The following SLC35F1 variants were observed in gnomAD, a reference collection of about 807,000 sequenced individuals.
SLC35F1 encodes the protein solute carrier family 35 member F1.
SLC35F1 carries 14 observed loss-of-function variants against 48.7 expected under a neutral mutation model. The ratio of observed to expected loss-of-function variants is 0.29; its 90% CI spans 0.19 to 0.45. The LOEUF is 0.45. Among genes scored for constraint, SLC35F1 ranks in the 20% least tolerant of loss-of-function variants. The probability of loss-of-function intolerance (pLI) is 1.00; values close to 1 mark genes in which losing one functional copy is unlikely to be tolerated. For synonymous variants in SLC35F1, 190 were observed against 202.2 expected, an observed-to-expected ratio of 0.94 and a Z score of 0.51; for missense variants, 404 against 500.0, an observed-to-expected ratio of 0.81 and a Z score of 1.83.
chr6:117,973,700 T>A (rs1776672009), intron 1 of SLC35F1, among the ~76,000 whole-genome samples: 1 of 152,128 alleles, frequency 6.6e-6, no homozygotes, highest in Non-Finnish European at 1.5e-5. Context: ...TACCTGGGAA[T>A]ATAATCTTGT....
intron 1 of SLC35F1, among the ~76,000 whole-genome samples, chr6:118,137,228 C>T (rs1773810197): frequency 6.6e-6 from 1 of 152,158 alleles, no homozygotes; most frequent in Non-Finnish European, 1.5e-5. Flanking sequence ...GAACTAAGAA[C>T]CTTGCCCATA....
At chr6:118,216,052 T>C (rs1330752357) in intron 2 of SLC35F1, among the ~76,000 whole-genome samples, 1 of 151,524 alleles carries the variant, frequency 6.6e-6, no homozygotes, top group Non-Finnish European at 1.5e-5. Flanking sequence ...ATTTTTATTC[T>C]AGATCACTCT....
chr6:118,031,765 A>G (rs1006966642), intron 1 of SLC35F1, among the ~76,000 whole-genome samples: 1 of 152,144 alleles, frequency 6.6e-6, no homozygotes, highest in Non-Finnish European at 1.5e-5. Context: ...TTTTAATTCC[A>G]TTAGAGTAAG....
chr6:118,223,274 T>C (rs1775174574), intron 2 of SLC35F1, among the ~76,000 whole-genome samples: 1 of 152,216 alleles, frequency 6.6e-6, no homozygotes, highest in East Asian at 1.9e-4. Flanking sequence ...CCACATCCAA[T>C]TTCATGATCT....
At chr6:118,261,550 G>A (rs907191418) in intron 3 of SLC35F1, among the ~76,000 whole-genome samples, 3 of 152,194 alleles carry the variant, frequency 2.0e-5, no homozygotes, top group South Asian at 2.1e-4. Context: ...CCACGTGAAC[G>A]CACACAGGGG....
At chr6:118,026,411 C>A (rs9374701) in intron 1 of SLC35F1, among the ~76,000 whole-genome samples, 43,719 of 152,100 alleles carry the variant, frequency 0.29, 7,075 homozygotes, top group South Asian at 0.46. Context: ...AAGTGACTGG[C>A]TGTACTTTTA....
intron 1 of SLC35F1, among the ~76,000 whole-genome samples, chr6:118,062,537 G>A (rs1335413458): frequency 1.3e-5 from 2 of 152,020 alleles, no homozygotes; most frequent in Admixed American, 1.3e-4. Context: ...AGTTATTATT[G>A]CAACAAAATG....
At chr6:118,275,438 G>C (rs374817627) in intron 4 of SLC35F1, 21 bp from the exon 5 acceptor site, 118 of 1,597,512 alleles carry the variant, frequency 7.4e-5, no homozygotes, top group Non-Finnish European at 9.7e-5. Context: ...CCCTCTGTTT[G>C]TTTGTTTGGT....
chr6:118,021,900 G>A (rs546331897), intron 1 of SLC35F1, among the ~76,000 whole-genome samples: 6 of 152,112 alleles, frequency 3.9e-5, no homozygotes, highest in African/African-American at 1.4e-4. Context: ...TTGTCACTGG[G>A]GCCTCTGTCT....
chr6:118,188,292 G>A (rs1017839300), intron 2 of SLC35F1, among the ~76,000 whole-genome samples: 2 of 152,234 alleles, frequency 1.3e-5, no homozygotes, highest in Non-Finnish European at 2.9e-5. Flanking sequence ...GCTCACGCCT[G>A]TAATCCCAGC....
intron 3 of SLC35F1, among the ~76,000 whole-genome samples, chr6:118,240,621 G>A (rs1775426208): frequency 6.6e-6 from 1 of 152,156 alleles, no homozygotes; most frequent in Non-Finnish European, 1.5e-5. Flanking sequence ...ACATAATCAA[G>A]AATAAACATT....
chr6:118,314,114 C>T lies in SLC35F1; in HGVS notation c.1089C>T (p.Asp363=), dbSNP rs144771334. ...YSSTSTYIAQ[D]PRVYKQFRNP... ...CCACCTCCACCTACATAGCCCAGGA[C>T]CCCCGAGTGTATAAGCAGTTCCGCA... The change falls in exon 8 of 8, where the codon GAC becomes GAT. Residue 363 remains aspartate, a synonymous_variant. Coordinates refer to ENST00000360388, the MANE Select transcript of SLC35F1 (RefSeq NM_001029858.4). The T allele has an allele frequency of 1.5e-4, 243 of 1,614,180 alleles. 1 individual carries two copies. The highest frequency in any genetic ancestry group is 7.8e-4 in the South Asian group (71 of 91,080).
chr6:118,277,443 T>G (rs1775931843), intron 5 of SLC35F1, 51 bp from the exon 6 acceptor site: 5 of 1,465,810 alleles, frequency 3.4e-6, no homozygotes, highest in Non-Finnish European at 4.8e-6. Context: ...AGAAAGAAAG[T>G]AGAGTGCATT....
At chr6:118,035,939 G>T (rs4307205) in intron 1 of SLC35F1, among the ~76,000 whole-genome samples, 2 of 151,674 alleles carry the variant, frequency 1.3e-5, no homozygotes, top group Admixed American at 6.6e-5. Context: ...TGATCCGCCC[G>T]CCTCGGCCTC....
intron 1 of SLC35F1, among the ~76,000 whole-genome samples, chr6:117,925,796 G>C (rs1476312711): frequency 6.6e-6 from 1 of 152,006 alleles, no homozygotes; most frequent in South Asian, 2.1e-4. Context: ...CTCTATGGTA[G>C]GTGTCATCCA....
chr6:118,267,942 CT>C (rs1421745975), intron 4 of SLC35F1, among the ~76,000 whole-genome samples: 6 of 151,980 alleles, frequency 3.9e-5, no homozygotes, highest in Admixed American at 3.9e-4. Flanking sequence ...AAAAAATGAC[CT>C]TCTTTGTTAA....
At chr6:117,981,917 C>A (rs1776786499) in intron 1 of SLC35F1, among the ~76,000 whole-genome samples, 1 of 151,920 alleles carries the variant, frequency 6.6e-6, no homozygotes, top group African/African-American at 2.4e-5. Context: ...GGGAGAAATT[C>A]TCCATAGACT....
At chr6:118,039,659 G>A (rs1007268350) in intron 1 of SLC35F1, among the ~76,000 whole-genome samples, 2 of 151,168 alleles carry the variant, frequency 1.3e-5, no homozygotes, top group South Asian at 2.1e-4. Context: ...TGCATGCATT[G>A]TATTTTTTTA....
At chr6:118,040,559 A>G (rs1233838499) in intron 1 of SLC35F1, among the ~76,000 whole-genome samples, 1 of 152,116 alleles carries the variant, frequency 6.6e-6, no homozygotes, top group African/African-American at 2.4e-5. Context: ...AAGTATTTAA[A>G]TTTCTTTTAT....
Sources: gnomAD v4.1 joint callset for allele counts (sites outside exome capture counted in the v4.1 genomes callset) on GRCh38, gnomAD v4.1.1 for gene constraint, MANE v1.5 for transcripts, NCBI Gene and HGNC (gene_info 2026-07-23, HGNC 2026-07-21) for gene names.